Variants in IGLON5 observed in about 807,000 individuals in gnomAD.
IGLON5 encodes IgLON family member 5, also known as Ig-like domain-containing protein ENSP00000270642.
In IGLON5, 16 loss-of-function variants were observed where a neutral mutation model predicts 38.2. The observed-to-expected ratio is 0.42, with a 90% CI of 0.28 to 0.64. The LOEUF is 0.64. Among genes scored for constraint, IGLON5 ranks in the 30% least tolerant of loss-of-function variants. The pLI, the probability that IGLON5 is intolerant of heterozygous loss-of-function variation, is 0.23. For synonymous variants in IGLON5, 207 were observed against 216.4 expected, an observed-to-expected ratio of 0.96 and a Z score of 0.38; for missense variants, 366 against 483.4, an observed-to-expected ratio of 0.76 and a Z score of 2.28.
At chr19:51,322,199 T>C in intron 2 of IGLON5, 57 bp downstream of exon 2, 1 of 1,365,114 alleles carries the variant, frequency 7.3e-7, no homozygotes, top group Non-Finnish European at 1.0e-6. Flanking sequence ...GTCCTGCCCC[T>C]TCACCTTCCT....
intron 1 of IGLON5, among the ~76,000 whole-genome samples, chr19:51,312,626 C>T (rs1437059544): frequency 2.0e-5 from 3 of 152,004 alleles, no homozygotes; most frequent in Non-Finnish European, 4.4e-5. Flanking sequence ...GGGCTGGGGT[C>T]TTGGATTCCC....
intron 1 of IGLON5, among the ~76,000 whole-genome samples, chr19:51,321,638 A>G (rs748783986): frequency 1.3e-5 from 2 of 152,130 alleles, no homozygotes; most frequent in Non-Finnish European, 2.9e-5. Flanking sequence ...ATGTTTGTAC[A>G]TATGTCTCTG....
chr19:51,325,611 C>A lies in IGLON5; in HGVS notation c.511+146C>A. ...CCCACTCTGCTTCCAGTTATTTCAT[C>A]CACAGACCACAAACCCCAGACCTAA... On this transcript the variant is annotated intron_variant, in intron 4 of 7. Coordinates refer to ENST00000270642, the MANE Select transcript of IGLON5 (RefSeq NM_001101372.3). This position sits in a 1 kb window ranked among gnomAD's most constrained non-coding sequence, Gnocchi z 5.5. 1.1e-6 allele frequency: 1 copy of A among 918,994 alleles called. No homozygotes were observed. Among genetic ancestry groups the A allele is most frequent in the Non-Finnish European group, 1.6e-6 (1 of 629,568 alleles). 56.9% of individuals were successfully genotyped at this position (918,994 alleles called of 1,614,324 possible).
chr19:51,328,639 G>A (rs1265011374), intron 7 of IGLON5, 32 bp from the exon 8 acceptor site: 4 of 1,438,216 alleles, frequency 2.8e-6, no homozygotes, highest in Non-Finnish European at 3.8e-6. Context: ...CCACTCTCAG[G>A]CCTCCCTCCA....
intron 1 of IGLON5, among the ~76,000 whole-genome samples, chr19:51,317,636 G>A (rs537907511): frequency 3.9e-5 from 6 of 152,246 alleles, no homozygotes; most frequent in Admixed American, 2.0e-4. Context: ...TGCCCTCCCC[G>A]CTCCCCTGAG....
intron 1 of IGLON5, among the ~76,000 whole-genome samples, chr19:51,312,789 G>A (rs1246861945): frequency 6.6e-6 from 1 of 152,166 alleles, no homozygotes; most frequent in Admixed American, 6.5e-5. Flanking sequence ...GAGGGCCAGG[G>A]GCAGGTTTCT....
chr19:51,312,015 G>A (rs1984777838), intron 1 of IGLON5, 89 bp downstream of exon 1: 2 of 674,382 alleles, frequency 3.0e-6, no homozygotes, highest in Non-Finnish European at 4.1e-6. Context: ...GTCGAGGGCT[G>A]CATCCCTGGG....
chr19:51,329,558 C>T lies in IGLON5; in HGVS notation c.*799C>T, dbSNP rs558485000. ...TGGATTTTCTGGCCCCCTCCTGGGCCAATCGGTGCTTCCATCCAACTGTCA... is the reference window on the plus strand; with the variant it reads ...TGGATTTTCTGGCCCCCTCCTGGGCTAATCGGTGCTTCCATCCAACTGTCA... On this transcript the variant is annotated 3_prime_UTR_variant, in exon 8 of 8. Coordinates refer to ENST00000270642, the MANE Select transcript of IGLON5 (RefSeq NM_001101372.3). This position sits in a 1 kb window ranked among gnomAD's most constrained non-coding sequence, Gnocchi z 4.3. 6.6e-6 allele frequency: 1 copy of T among 152,422 alleles called. No individual in the cohort carries two copies. The highest frequency in any genetic ancestry group is 2.1e-4 in the South Asian group (1 of 4,832). The allele number at this position is 152,422 out of a possible 1,614,324, so 9.4% of individuals were successfully genotyped here. A position where few individuals can be genotyped will look rare whatever the true frequency, so the allele number is the denominator to read the frequency against.
In IGLON5 at chr19:51,327,760, A is replaced by G; in HGVS notation, c.796A>G (p.Lys266Glu). ...GAGCAGCGGCACGGCCGAAGGCCTG[A>G]AGGTGCAGACGGAGCGCACCCGCTC... ...LLSSGTAEGL[K>E]VQTERTRSML... Residue 266 changes from lysine to glutamate, a missense_variant, in exon 7 of 8, where the codon AAG becomes GAG. Lys to Glu is a moderately conservative substitution (Grantham distance 56). Coordinates refer to ENST00000270642, the MANE Select transcript of IGLON5 (RefSeq NM_001101372.3). This position sits in a 1 kb window ranked among gnomAD's most constrained non-coding sequence, Gnocchi z 7.1. 6.3e-7 allele frequency: 1 copy of G among 1,578,178 alleles called. No homozygotes were observed. The highest frequency in any genetic ancestry group is 8.6e-7 in the Non-Finnish European group (1 of 1,164,340).
rs534395932 is a variant in IGLON5 at position 51,317,568 on chromosome 19, C to T, written c.80-4496C>T. On this transcript the variant is annotated intron_variant, in intron 1 of 7. Transcript: ENST00000270642. ...GGTTGGCTTTATCAGTAGATGCTTA[C>T]CAGGGTGTCTGCCCAGGAGTCAGTG... Among the ~76,000 whole-genome samples the T allele has an allele frequency of 2.0e-5, 3 of 152,256 alleles. No individual in the cohort carries two copies. The South Asian group carries it at 6.2e-4, about 32-fold the overall frequency.
rs191810238 is a variant in IGLON5 at position 51,327,434 on chromosome 19, G to C, written c.767+234G>C. Among the ~76,000 whole-genome samples, 2 of 152,302 alleles carry C rather than the reference G, an allele frequency of 1.3e-5. No homozygotes were observed. The highest frequency in any genetic ancestry group is 1.9e-4 in the East Asian group (1 of 5,176). On this transcript the variant is annotated intron_variant, in intron 6 of 7. Coordinates refer to ENST00000270642, the MANE Select transcript of IGLON5 (RefSeq NM_001101372.3). This position sits in a 1 kb window ranked among gnomAD's most constrained non-coding sequence, Gnocchi z 7.1. ...CCGGACTTTTCAGGGAGCTGGCCAG[G>C]GGTCGGGGGTCAATGCTGAGGATCT... is the stretch of plus-strand genomic sequence containing the variant.
chr19:51,322,159 G>T lies in IGLON5; in HGVS notation c.158+17G>T. ...CACCCTCAGGTACCTCCCTCGGTGG[G>T]TGGGGACTCAGATCTCATGGAGCCA... is the stretch of plus-strand genomic sequence containing the variant. On this transcript the variant is annotated intron_variant, in intron 2 of 7. Transcript: ENST00000270642. 1 of 1,597,626 alleles carries T rather than the reference G, an allele frequency of 6.3e-7. No homozygotes were observed. Among genetic ancestry groups the T allele is most frequent in the Non-Finnish European group, 8.6e-7 (1 of 1,167,474 alleles).
intron 1 of IGLON5, among the ~76,000 whole-genome samples, chr19:51,315,904 C>G (rs1287275871): frequency 6.6e-6 from 1 of 151,892 alleles, no homozygotes; most frequent in Non-Finnish European, 1.5e-5. Context: ...CTGTGTTAGC[C>G]AGGATGGTCT....
At chr19:51,326,670 C>G in intron 4 of IGLON5, 94 bp from the exon 5 acceptor site, 1 of 825,060 alleles carries the variant, frequency 1.2e-6, no homozygotes, top group Non-Finnish European at 1.8e-6. Flanking sequence ...CTTGCCGTGC[C>G]CGCCCCGCTG....
At position 51,327,774 on chromosome 19, in the gene IGLON5, G is replaced by A. The variant is rs372040737; in HGVS notation, c.810G>A (p.Glu270=). The A allele has an allele frequency of 1.4e-4, 215 of 1,576,152 alleles. No individual in the cohort carries two copies. The highest frequency in any genetic ancestry group is 1.3e-4 in the Non-Finnish European group (156 of 1,162,970). Residue 270 remains glutamate, a synonymous_variant, in exon 7 of 8, where the codon GAG becomes GAA. Coordinates refer to ENST00000270642, the MANE Select transcript of IGLON5 (RefSeq NM_001101372.3). The surrounding 1 kb of genome is among the most constrained non-coding windows in gnomAD (Gnocchi z 7.1). ...CCGAAGGCCTGAAGGTGCAGACGGA[G>A]CGCACCCGCTCGATGCTTCTCTTTG... ...GTAEGLKVQT[E]RTRSMLLFAN...
In IGLON5 at chr19:51,322,153, C is replaced by T; in HGVS notation, c.158+11C>T. 2.5e-6 allele frequency: 4 copies of T among 1,603,552 alleles called. No individual in the cohort carries two copies. The highest frequency in any genetic ancestry group is 3.4e-6 in the Non-Finnish European group (4 of 1,172,464). On this transcript the variant is annotated intron_variant, in intron 2 of 7. Coordinates refer to ENST00000270642, the MANE Select transcript of IGLON5 (RefSeq NM_001101372.3). ...CAACGCCACCCTCAGGTACCTCCCT[C>T]GGTGGGTGGGGACTCAGATCTCATG...
chr19:51,312,217 C>A (rs951581039), intron 1 of IGLON5, among the ~76,000 whole-genome samples: 2 of 151,998 alleles, frequency 1.3e-5, no homozygotes, highest in Non-Finnish European at 2.9e-5. Flanking sequence ...GACACCTAGC[C>A]CTGCCTGGGG....
Position 51,323,729 on chromosome 19 carries a change from A to T in IGLON5, c.226A>T (p.Asn76Tyr). ...LNRSNILYAGNDRWTSDPRVR... is the reference protein window; with the variant it reads ...LNRSNILYAGYDRWTSDPRVR... ...CCGCTCCAACATCCTGTATGCCGGCAATGACCGCTGGACCAGCGACCCGCG... is the reference window on the plus strand; with the variant it reads ...CCGCTCCAACATCCTGTATGCCGGCTATGACCGCTGGACCAGCGACCCGCG... The change falls in exon 3 of 8, where the codon AAT becomes TAT. Residue 76 changes from asparagine (N) to tyrosine (Y), a missense_variant. Asn to Tyr is a moderately radical substitution (Grantham distance 143). Transcript: ENST00000270642. 1 of 1,613,900 alleles carries T rather than the reference A, an allele frequency of 6.2e-7. No individual in the cohort carries two copies. The highest frequency in any genetic ancestry group is 8.5e-7 in the Non-Finnish European group (1 of 1,179,862).
At chr19:51,320,558 G>A (rs1427046719) in intron 1 of IGLON5, among the ~76,000 whole-genome samples, 1 of 152,220 alleles carries the variant, frequency 6.6e-6, no homozygotes, top group Non-Finnish European at 1.5e-5. Flanking sequence ...TGGGGGTGAC[G>A]GAGCCTGCCT....
Sources: allele counts gnomAD v4.1 joint callset (sites outside exome capture counted in the v4.1 genomes callset), GRCh38; gene constraint gnomAD v4.1.1; non-coding constraint Gnocchi (gnomAD v3.1); transcripts MANE v1.5; gene names NCBI Gene and HGNC (gene_info 2026-07-23, HGNC 2026-07-21).